The following HIVEP2 variants were observed in gnomAD, a reference collection of about 807,000 sequenced individuals.
The protein encoded by HIVEP2 is HIVEP zinc finger 2.
In HIVEP2, 14 loss-of-function variants were observed where a neutral mutation model predicts 180.7. That is an observed-to-expected ratio of 0.08 (90% CI 0.05 to 0.12). The LOEUF (loss-of-function observed/expected upper bound fraction) is 0.12. Among genes scored for constraint, HIVEP2 ranks in the 10% least tolerant of loss-of-function variants. The pLI, the probability that HIVEP2 is intolerant of heterozygous loss-of-function variation, is 1.00. For missense variants in HIVEP2, 2,579 were observed against 3,008.5 expected, an observed-to-expected ratio of 0.86 and a Z score of 3.34; for synonymous variants, 1,184 against 1,136.4, an observed-to-expected ratio of 1.04 and a Z score of -0.84.
Position 142,769,662 on chromosome 6 carries a change from G to A in HIVEP2, c.5077C>T (p.Leu1693Phe), listed in dbSNP as rs1018379247. 10 of 1,614,090 alleles carry A rather than the reference G, an allele frequency of 6.2e-6. No individual in the cohort carries two copies. Among genetic ancestry groups the A allele is most frequent in the Non-Finnish European group, 8.5e-6 (10 of 1,180,050 alleles). The change falls in exon 5 of 10, where the codon CTT (leucine) becomes TTT (phenylalanine). Residue 1693 changes from leucine to phenylalanine, a missense_variant. Coordinates refer to ENST00000367603, the MANE Select transcript of HIVEP2 (RefSeq NM_006734.4). ...SGLNTKTTLA[L>F]LRSKQKITAE... is the part of the protein sequence containing the mutation. ...GTGATTTTTTGCTTGGACCTCAGAA[G>A]AGCCAGCGTGGTCTTGGTGTTCAAT...
chr6:142,795,828 G>C (rs996034866), intron 2 of HIVEP2, among the ~76,000 whole-genome samples: 12 of 152,218 alleles, frequency 7.9e-5, no homozygotes, highest in Non-Finnish European at 7.4e-5. Context: ...CACAGCAGTG[G>C]GTCACTCCTT....
intron 1 of HIVEP2, among the ~76,000 whole-genome samples, chr6:142,840,203 C>T (rs546316547): frequency 2.0e-5 from 3 of 152,294 alleles, no homozygotes; most frequent in South Asian, 2.1e-4. Context: ...ACAAGTTATA[C>T]GCCCAAGACA....
At chr6:142,816,137 C>T (rs537969084) in intron 2 of HIVEP2, among the ~76,000 whole-genome samples, 77 of 152,238 alleles carry the variant, frequency 5.1e-4, no homozygotes, top group African/African-American at 1.8e-3. Flanking sequence ...AAAGAGATTG[C>T]TATGAGCTAA....
chr6:142,770,377 G>A lies in HIVEP2; in HGVS notation c.4362C>T (p.Thr1454=). 6.2e-7 allele frequency: 1 copy of A among 1,614,124 alleles called. No homozygotes were observed. The highest frequency in any genetic ancestry group is 8.5e-7 in the Non-Finnish European group (1 of 1,180,032). ...CTTCTTTGACCCTTTTCTGCTGCTT[G>A]GTTTCCATGAAGAGCTCCAAGCTAC... The part of the protein sequence containing the change: ...PASSLELFME[T]KQQKRVKEEK... Residue 1454 remains threonine, a synonymous_variant, in exon 5 of 10, where the codon ACC becomes ACT. Coordinates refer to ENST00000367603, the MANE Select transcript of HIVEP2 (RefSeq NM_006734.4). This position sits in a 1 kb window ranked among gnomAD's most constrained non-coding sequence, Gnocchi z 4.7.
chr6:142,845,177 A>ATAAC (rs946111508), intron 1 of HIVEP2, among the ~76,000 whole-genome samples: 1 of 152,238 alleles, frequency 6.6e-6, no homozygotes, highest in Non-Finnish European at 1.5e-5. Context: ...ATACAAACAA[A>ATAAC]TAACTGTTGG....
At chr6:142,869,752 A>T (rs1433685216) in intron 1 of HIVEP2, among the ~76,000 whole-genome samples, 1 of 152,170 alleles carries the variant, frequency 6.6e-6, no homozygotes, top group East Asian at 1.9e-4. Context: ...AAATCAAACT[A>T]AGAGTTACGT....
At chr6:142,754,955 G>A (rs1324157055) in intron 9 of HIVEP2, among the ~76,000 whole-genome samples, 1 of 152,094 alleles carries the variant, frequency 6.6e-6, no homozygotes. Flanking sequence ...TTAATGGATT[G>A]TCATCTAAAA....
At chr6:142,917,302 G>C (rs548691592) in intron 1 of HIVEP2, among the ~76,000 whole-genome samples, 3 of 152,214 alleles carry the variant, frequency 2.0e-5, no homozygotes, top group Non-Finnish European at 4.4e-5. Context: ...GAAAACAAAG[G>C]TTATATCACT....
At chr6:142,903,610 C>A (rs946515629) in intron 1 of HIVEP2, among the ~76,000 whole-genome samples, 1 of 152,086 alleles carries the variant, frequency 6.6e-6, no homozygotes, top group Non-Finnish European at 1.5e-5. Flanking sequence ...ACCATATATG[C>A]ATATATACCA....
At chr6:142,825,481 A>C (rs886101165) in intron 2 of HIVEP2, among the ~76,000 whole-genome samples, 1 of 152,196 alleles carries the variant, frequency 6.6e-6, no homozygotes, top group Non-Finnish European at 1.5e-5. Context: ...CACCACAGCT[A>C]ACCACTCACA....
At chr6:142,763,525 C>T (rs1051348394) in intron 7 of HIVEP2, among the ~76,000 whole-genome samples, 3 of 152,196 alleles carry the variant, frequency 2.0e-5, no homozygotes, top group African/African-American at 7.2e-5. Context: ...CAGAGGCAGA[C>T]TTAATTTGAT....
At chr6:142,825,242 G>C (rs563851825) in intron 2 of HIVEP2, among the ~76,000 whole-genome samples, 1 of 151,840 alleles carries the variant, frequency 6.6e-6, no homozygotes, top group African/African-American at 2.4e-5. Flanking sequence ...GTTTTAAATA[G>C]AGAAATAATT....
At chr6:142,845,168 TACAA>T (rs1323610733) in intron 1 of HIVEP2, among the ~76,000 whole-genome samples, 1 of 152,238 alleles carries the variant, frequency 6.6e-6, no homozygotes, top group African/African-American at 2.4e-5. Context: ...TGAAACTTAA[TACAA>T]ACAAATAACT....
intron 4 of HIVEP2, among the ~76,000 whole-genome samples, chr6:142,775,899 A>G (rs1243675327): frequency 6.6e-6 from 1 of 151,092 alleles, no homozygotes; most frequent in Non-Finnish European, 1.5e-5. Flanking sequence ...TATACATATA[A>G]GCATACATAT....
At chr6:142,796,388 C>A (rs1397857764) in intron 2 of HIVEP2, among the ~76,000 whole-genome samples, 1 of 152,060 alleles carries the variant, frequency 6.6e-6, no homozygotes. Flanking sequence ...GAAGCCTTAC[C>A]GATAACCTAA....
At chr6:142,842,983 T>C (rs544185071) in intron 1 of HIVEP2, among the ~76,000 whole-genome samples, 68 of 152,292 alleles carry the variant, frequency 4.5e-4, no homozygotes, top group African/African-American at 1.6e-3. Context: ...AGCTGTTGTC[T>C]GCTACGATCA....
At chr6:142,798,154 C>T (rs1213825124) in intron 2 of HIVEP2, among the ~76,000 whole-genome samples, 1 of 151,902 alleles carries the variant, frequency 6.6e-6, no homozygotes, top group Non-Finnish European at 1.5e-5. Context: ...GATGGCACAT[C>T]TGATACACAG....
intron 1 of HIVEP2, among the ~76,000 whole-genome samples, chr6:142,930,433 C>A (rs1562296319): frequency 6.6e-6 from 1 of 152,134 alleles, no homozygotes; most frequent in South Asian, 2.1e-4. Flanking sequence ...AAAACTATAA[C>A]CTTCTCTTTA....
rs747664894 is a variant in HIVEP2 at position 142,773,020 on chromosome 6, G to A, written c.1719C>T (p.Ser573=). The A allele has an allele frequency of 3.7e-5, 59 of 1,614,092 alleles. No homozygotes were observed. Among genetic ancestry groups the A allele is most frequent in the South Asian group, 2.7e-4 (25 of 91,080 alleles). The change falls in exon 5 of 10, where the codon TCC becomes TCT. Residue 573 remains serine, a synonymous_variant. Coordinates refer to ENST00000367603, the MANE Select transcript of HIVEP2 (RefSeq NM_006734.4). ...SHSFDERMTG[S]DDVFYPGTVG... ...CGGTCCCTGGATAGAATACATCGTCGGAACCAGTCATCCTTTCATCAAATG... is the reference window on the plus strand; with the variant it reads ...CGGTCCCTGGATAGAATACATCGTCAGAACCAGTCATCCTTTCATCAAATG...
Sources: gnomAD v4.1 joint callset for allele counts (sites outside exome capture counted in the v4.1 genomes callset) on GRCh38, gnomAD v4.1.1 for gene constraint, Gnocchi (gnomAD v3.1) non-coding constraint, MANE v1.5 for transcripts, NCBI Gene and HGNC (gene_info 2026-07-23, HGNC 2026-07-21) for gene names.